The following MUC6 variants were observed in gnomAD, a reference collection of about 807,000 sequenced individuals.
MUC6 encodes the protein mucin-6.
Under a neutral mutation model 201.5 loss-of-function variants are expected in MUC6, and 188 were observed. The ratio of observed to expected loss-of-function variants is 0.93; its 90% CI spans 0.83 to 1.05. The LOEUF (loss-of-function observed/expected upper bound fraction) is 1.05. MUC6 is among the 50% of genes least tolerant of loss of function. MUC6 has a pLI of 0.00. For missense variants in MUC6, 2,706 were observed against 3,256.9 expected, an observed-to-expected ratio of 0.83 and a Z score of 4.12; for synonymous variants, 1,228 against 1,389.4, an observed-to-expected ratio of 0.88 and a Z score of 2.58.
chr11:1,028,031 C>T lies in MUC6; in HGVS notation c.1782G>A (p.Met594Ile). Residue 594 changes from methionine to isoleucine, a missense_variant, in exon 15 of 33, where the codon ATG (methionine) becomes ATA (isoleucine). Around this residue, in one of 10 missense-constraint regions of MUC6, gnomAD observed 1,850 missense variants for 1,958.3 expected, o/e 0.94. Transcript: ENST00000421673. Reference protein sequence around the residue: ...NKVCAETHCSMLLRTGTVFER... With the variant: ...NKVCAETHCSILLRTGTVFER... ...CGAACACCGTGCCTGTCCTCAGCAG[C>T]ATGGAGCAGTGGGTCTCTGCACACA... The T allele has an allele frequency of 6.3e-7, 1 of 1,582,550 alleles. No individual in the cohort carries two copies. The highest frequency in any genetic ancestry group is 8.6e-7 in the Non-Finnish European group (1 of 1,164,714).
At chr11:1,026,223 C>T in intron 20 of MUC6, 82 bp from the exon 21 acceptor site, 4 of 1,516,106 alleles carry the variant, frequency 2.6e-6, no homozygotes, top group Non-Finnish European at 3.5e-6. Flanking sequence ...CCAGACTGCA[C>T]CTCTGGACGC....
At chr11:1,013,754 G>T in intron 32 of MUC6, 121 bp from the exon 33 acceptor site, 1 of 1,399,452 alleles carries the variant, frequency 7.1e-7, no homozygotes, top group Middle Eastern at 2.0e-4. Flanking sequence ...GGCTCACAGG[G>T]GCCAGGGCGG....
chr11:1,013,330 G>A lies in MUC6; in HGVS notation c.*126C>T, dbSNP rs563531753. ...GTGCCCCAGGGAGCCACGGCCCAGG[G>A]CACTTGGGGGCCAGGCCTGGTGACC... is the stretch of plus-strand genomic sequence containing the variant. On this transcript the variant is annotated 3_prime_UTR_variant, in exon 33 of 33. Coordinates refer to ENST00000421673, the MANE Select transcript of MUC6 (RefSeq NM_005961.3). 17 of 1,053,656 alleles carry A rather than the reference G, an allele frequency of 1.6e-5. No homozygotes were observed. The African/African-American group carries it at 1.9e-4, about 12-fold the overall frequency. The allele number at this position is 1,053,656 out of a possible 1,614,324, so 65.3% of individuals were successfully genotyped here.
intron 2 of MUC6, 75 bp from the exon 3 acceptor site, chr11:1,032,128 G>C (rs1857121287): frequency 1.3e-6 from 2 of 1,562,244 alleles, no homozygotes; most frequent in South Asian, 2.3e-5. Flanking sequence ...CAGGCAGAGA[G>C]GTCACTCGTC....
rs763413656 is a variant in MUC6 at position 1,026,373 on chromosome 11, C to A, written c.2500G>T (p.Val834Phe). The A allele has an allele frequency of 2.5e-6, 4 of 1,605,262 alleles. No homozygotes were observed. The highest frequency in any genetic ancestry group is 2.5e-6 in the Non-Finnish European group (3 of 1,176,756). ...AGCTCAGCTCCTCCAGGGTAGGAGA[C>A]CCCCGAGAACTCACATGGGCACTCC... ...PEECPCEFSG[V>F]SYPGGAELHT... Residue 834 changes from valine to phenylalanine, a missense_variant, in exon 20 of 33, where the codon GTC becomes TTC. Physicochemically the swap from Val to Phe is conservative, Grantham distance 50. This residue lies in a region of MUC6 where 1,850 missense variants were observed against 1,958.3 expected (regional missense o/e 0.94). Transcript: ENST00000421673.
At chr11:1,025,450 C>T in intron 22 of MUC6, 83 bp from the exon 23 acceptor site, 1 of 1,485,010 alleles carries the variant, frequency 6.7e-7, no homozygotes, top group Non-Finnish European at 9.1e-7. Flanking sequence ...CTCTCAGAGA[C>T]AGAGCTGCCC....
chr11:1,027,876 G>A (rs2133831147), intron 15 of MUC6, 59 bp from the exon 16 acceptor site: 2 of 1,586,252 alleles, frequency 1.3e-6, no homozygotes, highest in South Asian at 2.3e-5. Context: ...GGACATGGGG[G>A]TCCCAAACCT....
In MUC6 at chr11:1,029,487, T is replaced by G. The variant is rs775525856; in HGVS notation, c.1136+8A>C. ...GCCGGCCAGAGCCCCCTCCGGCGCC[T>G]CACTCACCAGGTTTGGCAGGCAGCT... is the stretch of plus-strand genomic sequence containing the variant. On this transcript the variant is annotated splice_region_variant and intron_variant, in intron 9 of 32. Transcript: ENST00000421673. 5.6e-5 allele frequency: 91 copies of G among 1,611,516 alleles called. No individual in the cohort carries two copies. Among genetic ancestry groups the G allele is most frequent in the Non-Finnish European group, 7.5e-5 (89 of 1,179,554 alleles).
rs1201728471 is a variant in MUC6, at chr11:1,033,412, G to T, written c.53-337C>A. ...GGGCTTCTGGGTGGGGCTAGGAGGGGCTGGTGCGGGTGGCAGGGGCTTGGC... is the reference window on the plus strand; with the variant it reads ...GGGCTTCTGGGTGGGGCTAGGAGGGTCTGGTGCGGGTGGCAGGGGCTTGGC... On this transcript the variant is annotated intron_variant, in intron 1 of 32. Coordinates refer to ENST00000421673, the MANE Select transcript of MUC6 (RefSeq NM_005961.3). The surrounding 1 kb of genome is among the most constrained non-coding windows in gnomAD (Gnocchi z 5.6). 1.4e-4 allele frequency among the ~76,000 whole-genome samples: 22 copies of T among 152,258 alleles called. No homozygotes were observed. The highest frequency in any genetic ancestry group is 1.3e-3 in the Admixed American group (20 of 15,302).
intron 1 of MUC6, among the ~76,000 whole-genome samples, chr11:1,035,614 C>T (rs540284202): frequency 4.2e-4 from 58 of 139,612 alleles, no homozygotes; most frequent in Non-Finnish European, 8.1e-4. Context: ...TGGTGCCCGG[C>T]GTGGTGGGGA....
In MUC6 at chr11:1,028,035, G is replaced by A; in HGVS notation, c.1778C>T (p.Ser593Phe). Reference protein sequence around the residue: ...LNKVCAETHCSMLLRTGTVFE... With the variant: ...LNKVCAETHCFMLLRTGTVFE... ...CACCGTGCCTGTCCTCAGCAGCATG[G>A]AGCAGTGGGTCTCTGCACACACCTC... is the stretch of plus-strand genomic sequence containing the variant. The change falls in exon 15 of 33, where the codon TCC becomes TTC. Residue 593 changes from serine to phenylalanine, a missense_variant. By Grantham distance (155) the Ser-to-Phe change is radical. Coordinates refer to ENST00000421673, the MANE Select transcript of MUC6 (RefSeq NM_005961.3). The A allele has an allele frequency of 6.3e-7, 1 of 1,581,280 alleles. No individual in the cohort carries two copies. The highest frequency in any genetic ancestry group is 1.3e-5 in the African/African-American group (1 of 74,176).
intron 32 of MUC6, 78 bp downstream of exon 32, chr11:1,013,820 TG>T: frequency 6.8e-7 from 1 of 1,468,886 alleles, no homozygotes; most frequent in Non-Finnish European, 9.2e-7. Context: ...GGCGCCTGGG[TG>T]GGGTGCCCGA....
intron 7 of MUC6, 88 bp from the exon 8 acceptor site, chr11:1,030,423 C>G: frequency 1.4e-6 from 2 of 1,447,156 alleles, no homozygotes; most frequent in Non-Finnish European, 1.9e-6. Context: ...CTTAGCCCAG[C>G]CCTTCCTCCA....
In MUC6 at chr11:1,021,221, G is replaced by T. The variant is rs1331856275; in HGVS notation, c.3583C>A (p.Pro1195Thr). The change falls in exon 27 of 33, where the codon CCC becomes ACC. Residue 1195 changes from proline to threonine, a missense_variant. This residue lies in a region of MUC6 where 1,850 missense variants were observed against 1,958.3 expected (regional missense o/e 0.94). Transcript: ENST00000421673. Reference protein sequence around the residue: ...YFDHEEGVCVPCMPPTTPQPP... With the variant: ...YFDHEEGVCVTCMPPTTPQPP... ...GGCAGCCGACTGGACTTACTGCAGGGCACGCACACCCCCTCCTCGTGGTCG... is the reference window on the plus strand; with the variant it reads ...GGCAGCCGACTGGACTTACTGCAGGTCACGCACACCCCCTCCTCGTGGTCG... 6.3e-7 allele frequency: 1 copy of T among 1,588,288 alleles called. No individual in the cohort carries two copies. The highest frequency in any genetic ancestry group is 8.6e-7 in the Non-Finnish European group (1 of 1,169,118).
At chr11:1,035,005 C>CA (rs1408730535) in intron 1 of MUC6, among the ~76,000 whole-genome samples, 1 of 152,238 alleles carries the variant, frequency 6.6e-6, no homozygotes, top group Non-Finnish European at 1.5e-5. Context: ...GGCATCTGGG[C>CA]GGGTTGGTCC....
chr11:1,026,262 G>A lies in MUC6; in HGVS notation c.2546+65C>T, dbSNP rs896878060. The A allele has an allele frequency of 5.2e-6, 8 of 1,544,610 alleles. No individual in the cohort carries two copies. In the East Asian group the frequency reaches 1.4e-4, roughly 26 times the overall value. ...CGCCTCTGGGACAGCCCCACCCCGG[G>A]CAGCCTCCGCCTGCCCCAGATGGCC... On this transcript the variant is annotated intron_variant, in intron 20 of 32. Transcript: ENST00000421673.
chr11:1,032,826 G>GGT (rs920783103), intron 2 of MUC6, among the ~76,000 whole-genome samples, 187 bp downstream of exon 2: 4 of 151,410 alleles, frequency 2.6e-5, no homozygotes, highest in African/African-American at 9.7e-5. Flanking sequence ...GCGTGTGTCA[G>GGT]GTGTGTGTGC....
At chr11:1,020,310 G>T (rs1564837282) in intron 28 of MUC6, 53 bp from the exon 29 acceptor site, 3 of 1,548,584 alleles carry the variant, frequency 1.9e-6, no homozygotes, top group Non-Finnish European at 2.6e-6. Flanking sequence ...TATCCTTGGG[G>T]AGCACCCTCC....
chr11:1,018,600 G>A lies in MUC6; in HGVS notation c.4201C>T (p.Gln1401Ter). Residue 1401 changes from glutamine to a stop codon, truncating the protein, a stop_gained, in exon 31 of 33, where the codon CAA becomes TAA. Coordinates refer to ENST00000421673, the MANE Select transcript of MUC6 (RefSeq NM_005961.3). LOFTEE classifies it high-confidence loss of function. ...TRTTTEYTTP[Q>*]TPHTTHSPPT... is the part of the protein sequence containing the mutation. Reference sequence around the variant, plus strand: ...GGGGAGTGTGTGGTGTGTGGGGTTTGGGGCGTTGTGTATTCAGTAGTCGTT... The same window carrying A: ...GGGGAGTGTGTGGTGTGTGGGGTTTAGGGCGTTGTGTATTCAGTAGTCGTT... 6.2e-7 allele frequency: 1 copy of A among 1,613,370 alleles called. No individual in the cohort carries two copies. Among genetic ancestry groups the A allele is most frequent in the Non-Finnish European group, 8.5e-7 (1 of 1,179,660 alleles).
Sources: allele counts gnomAD v4.1 joint callset (sites outside exome capture counted in the v4.1 genomes callset), GRCh38; gene constraint gnomAD v4.1.1; regional missense constraint gnomAD v4.1.1; non-coding constraint Gnocchi (gnomAD v3.1); transcripts MANE v1.5; gene names NCBI Gene and HGNC (gene_info 2026-07-23, HGNC 2026-07-21).